DAB1: variants seen among roughly 807,000 people sequenced by gnomAD.
DAB1 encodes disabled homolog 1.
Under a neutral mutation model 64.6 loss-of-function variants are expected in DAB1, and 15 were observed. That is an observed-to-expected ratio of 0.23 (90% CI 0.16 to 0.36). DAB1 has a LOEUF of 0.36. DAB1 is among the 10% of genes least tolerant of loss of function. DAB1 has a pLI of 1.00. For synonymous variants in DAB1, 235 were observed against 251.9 expected (o/e 0.93, Z 0.64); for missense variants, 596 against 706.7 (o/e 0.84, Z 1.78).
intron 2 of DAB1, among the ~76,000 whole-genome samples, chr1:57,224,818 T>C (rs1449438656): frequency 1.3e-5 from 2 of 152,230 alleles, no homozygotes; most frequent in African/African-American, 2.4e-5. Flanking sequence ...GGATGGGAGC[T>C]GGTTACCAGA....
intron 5 of DAB1, among the ~76,000 whole-genome samples, chr1:57,908,301 C>T (rs929802107): frequency 1.3e-5 from 2 of 152,112 alleles, no homozygotes; most frequent in Non-Finnish European, 2.9e-5. Flanking sequence ...TGGAGTTACT[C>T]ATCCTTGTGC....
At chr1:57,252,988 C>T (rs923365385) in intron 2 of DAB1, among the ~76,000 whole-genome samples, 3 of 152,190 alleles carry the variant, frequency 2.0e-5, no homozygotes, top group Admixed American at 6.5e-5. Flanking sequence ...GTCCATACAA[C>T]GGAGACACCC....
intron 2 of DAB1, among the ~76,000 whole-genome samples, chr1:58,514,204 A>G (rs1422193738): frequency 2.0e-5 from 3 of 152,206 alleles, no homozygotes; most frequent in African/African-American, 7.2e-5. Context: ...GAGAATATAA[A>G]TGTATATGAA....
chr1:58,200,848 A>G (rs1255092908), intron 4 of DAB1, among the ~76,000 whole-genome samples: 1 of 152,168 alleles, frequency 6.6e-6, no homozygotes, highest in African/African-American at 2.4e-5. Context: ...GTTGTTTAAA[A>G]CTAACTAGTA....
intron 2 of DAB1, among the ~76,000 whole-genome samples, chr1:58,511,027 T>C (rs565509224): frequency 1.4e-4 from 21 of 152,282 alleles, no homozygotes; most frequent in Non-Finnish European, 2.2e-4. Context: ...TAAGACTTAA[T>C]ATCGTTAAAA....
chr1:58,539,140 C>A (rs756578819), intron 1 of DAB1: 6 of 872,944 alleles, frequency 6.9e-6, no homozygotes, highest in Non-Finnish European at 1.2e-5. Flanking sequence ...TACTCCCAGT[C>A]CCTGATACTT....
intron 1 of DAB1, among the ~76,000 whole-genome samples, chr1:57,392,785 G>A (rs10493220): frequency 0.094 from 14,243 of 152,206 alleles, 1,042 homozygotes; most frequent in East Asian, 0.28. Flanking sequence ...AGATCAACGT[G>A]ACTCAAGCAA....
At chr1:58,440,079 C>T (rs1042417048) in intron 3 of DAB1, among the ~76,000 whole-genome samples, 2 of 152,272 alleles carry the variant, frequency 1.3e-5, no homozygotes, top group Middle Eastern at 3.4e-3. Flanking sequence ...CCGCAAGAGA[C>T]CTATCCAACC....
At chr1:57,437,098 T>C (rs911525606) in intron 7 of DAB1, among the ~76,000 whole-genome samples, 1 of 151,064 alleles carries the variant, frequency 6.6e-6, no homozygotes, top group African/African-American at 2.4e-5. Flanking sequence ...TGGATGATGG[T>C]TTGGCAGGAA....
chr1:58,445,565 G>C (rs958807132), intron 3 of DAB1, among the ~76,000 whole-genome samples: 19 of 152,328 alleles, frequency 1.2e-4, no homozygotes, highest in South Asian at 8.3e-4. Context: ...CACCTCCCAT[G>C]TGAACTTACG....
At position 57,071,505 on chromosome 1, in the gene DAB1, T is replaced by C. The variant is rs1021021235; in HGVS notation, c.558+17A>G. The C allele has an allele frequency of 2.5e-6, 4 of 1,602,242 alleles. No individual in the cohort carries two copies. In the African/African-American group the frequency reaches 5.4e-5, roughly 22 times the overall value. Reference sequence around the variant, plus strand: ...GAAGGCCCGATCTCCAGCGCAAGGATAAATTCACAGGTATACCTGGTACAC... The same window carrying C: ...GAAGGCCCGATCTCCAGCGCAAGGACAAATTCACAGGTATACCTGGTACAC... On this transcript the variant is annotated intron_variant, in intron 6 of 14. Coordinates refer to ENST00000371236, the MANE Select transcript of DAB1 (RefSeq NM_001365792.1).
chr1:57,259,162 C>T (rs1031054872), intron 2 of DAB1, among the ~76,000 whole-genome samples: 1 of 152,206 alleles, frequency 6.6e-6, no homozygotes, highest in African/African-American at 2.4e-5. Flanking sequence ...CCTTTGGTCT[C>T]TGCCTTCCCT....
rs140290222 is a variant in DAB1 at position 57,818,756 on chromosome 1, T to TTATA, written n.551+65239_551+65242dup. Among the ~76,000 whole-genome samples the TTATA allele has an allele frequency of 4.9e-4, 73 of 148,234 alleles. 1 individual carries two copies. Among genetic ancestry groups the TTATA allele is most frequent in the African/African-American group, 1.6e-3 (65 of 40,696 alleles). ...TAAATCAAGTCTGCTAATAACTACA[T>TTATA]TATATATATATATATAATATTTATT... On this transcript the variant is annotated intron_variant and non_coding_transcript_variant, in intron 6 of 20. Coordinates refer to the DAB1 transcript ENST00000485760.
At chr1:57,366,239 C>T (rs1186893921) in intron 1 of DAB1, among the ~76,000 whole-genome samples, 1 of 152,164 alleles carries the variant, frequency 6.6e-6, no homozygotes, top group East Asian at 1.9e-4. Context: ...GTTTATGAGT[C>T]CGTTTTACTT....
intron 7 of DAB1, among the ~76,000 whole-genome samples, chr1:57,595,847 C>T (rs928201957): frequency 6.6e-6 from 1 of 152,184 alleles, no homozygotes; most frequent in East Asian, 1.9e-4. Flanking sequence ...GTAGGATGTG[C>T]CTGCTTCCCC....
chr1:57,907,436 A>C (rs1254130225), intron 5 of DAB1, among the ~76,000 whole-genome samples: 1 of 152,188 alleles, frequency 6.6e-6, no homozygotes, highest in Non-Finnish European at 1.5e-5. Context: ...ATTACACTGA[A>C]ATTTACTAGC....
intron 7 of DAB1, among the ~76,000 whole-genome samples, chr1:57,585,248 GAAAAAAAAAAAAA>G (rs61528761): frequency 2.3e-5 from 1 of 44,268 alleles, no homozygotes; most frequent in African/African-American, 9.5e-5. Flanking sequence ...GACTCTTTCT[GAAAAAAAAAAAAA>G]AAAAAAAAAA....
chr1:56,998,886 C>A (rs1645736936), intron 14 of DAB1, among the ~76,000 whole-genome samples: 1 of 152,106 alleles, frequency 6.6e-6, no homozygotes, highest in African/African-American at 2.4e-5. Context: ...CAGCGTTCGG[C>A]CCTATTTAAA....
Position 57,654,747 on chromosome 1 carries a change from T to C in DAB1, n.552-5082A>G, listed in dbSNP as rs185750065. On this transcript the variant is annotated intron_variant and non_coding_transcript_variant, in intron 6 of 20. Transcript: ENST00000485760. ...TATTTTCTCTGTTGCTTTTGCATTC[T>C]CTATTTTTTATCTTACGTTTCCACT... Among the ~76,000 whole-genome samples, 177 of 152,344 alleles carry C rather than the reference T, an allele frequency of 1.2e-3. 2 individuals carry two copies. Among genetic ancestry groups the C allele is most frequent in the Admixed American group, 1.4e-3 (21 of 15,308 alleles).
Sources: gnomAD v4.1 joint callset for allele counts (sites outside exome capture counted in the v4.1 genomes callset) on GRCh38, gnomAD v4.1.1 for gene constraint, MANE v1.5 for transcripts, NCBI Gene and HGNC (gene_info 2026-07-23, HGNC 2026-07-21) for gene names.